Variants in REV3L observed in about 807,000 individuals in gnomAD.
The protein encoded by REV3L is DNA polymerase zeta catalytic subunit.
In REV3L, 69 loss-of-function variants were observed where a neutral mutation model predicts 299.4. That is an observed-to-expected ratio of 0.23 (90% CI 0.19 to 0.28). The LOEUF (loss-of-function observed/expected upper bound fraction) is 0.28, where lower values mean the gene tolerates loss of function less well. REV3L is among the 10% of genes least tolerant of loss of function. The probability of loss-of-function intolerance (pLI) is 1.00; values close to 1 mark genes in which losing one functional copy is unlikely to be tolerated. For missense variants in REV3L, 3,128 were observed against 3,693.8 expected (o/e 0.85, Z 3.97); for synonymous variants, 1,238 against 1,271.4 (o/e 0.97, Z 0.56).
intron 1 of REV3L, among the ~76,000 whole-genome samples, chr6:111,437,373 C>A (rs1358887064): frequency 6.6e-6 from 1 of 151,858 alleles, no homozygotes; most frequent in African/African-American, 2.4e-5. Context: ...AAATACAATA[C>A]AGCATATCCA....
rs553900965 is a variant in REV3L, at chr6:111,315,754, A to G, written c.8352-373T>C. 13 of 195,988 alleles carry G rather than the reference A, an allele frequency of 6.6e-5. No individual in the cohort carries two copies. The South Asian group carries it at 1.5e-3, about 22-fold the overall frequency. 12.1% of individuals were successfully genotyped at this position (195,988 alleles called of 1,614,324 possible). On this transcript the variant is annotated intron_variant, in intron 26 of 31. Transcript: ENST00000368802. ...TGATCAGTGGCAGATCAGTCAGATC[A>G]GTGGCAGCATTAGATTCTCATAGGA...
intron 20 of REV3L, among the ~76,000 whole-genome samples, chr6:111,344,993 AGTGT>A (rs1416892847): frequency 6.6e-6 from 1 of 152,336 alleles, no homozygotes; most frequent in African/African-American, 2.4e-5. Context: ...CACACTTCAC[AGTGT>A]GTGTATGTAC....
intron 1 of REV3L, among the ~76,000 whole-genome samples, chr6:111,461,959 C>T (rs1262790895): frequency 6.6e-6 from 1 of 151,986 alleles, no homozygotes; most frequent in Non-Finnish European, 1.5e-5. Flanking sequence ...ATAAAAGAGA[C>T]ATGTCAAAAT....
At chr6:111,308,472 A>G (rs1372312642) in intron 30 of REV3L, among the ~76,000 whole-genome samples, 2 of 152,220 alleles carry the variant, frequency 1.3e-5, no homozygotes, top group Non-Finnish European at 2.9e-5. Context: ...ATACTGTACC[A>G]AAAATGAAAA....
At chr6:111,400,880 A>G (rs1411922741) in intron 4 of REV3L, among the ~76,000 whole-genome samples, 1 of 152,154 alleles carries the variant, frequency 6.6e-6, no homozygotes, top group Non-Finnish European at 1.5e-5. Context: ...TTATTATTTA[A>G]GGTGTGAAGT....
At chr6:111,337,419 T>G (rs536867771) in intron 21 of REV3L, among the ~76,000 whole-genome samples, 2 of 152,162 alleles carry the variant, frequency 1.3e-5, no homozygotes, top group African/African-American at 4.8e-5. Context: ...GAGCGTGCTA[T>G]TGTATAATGA....
intron 26 of REV3L, 191 bp from the exon 27 acceptor site, chr6:111,315,572 AC>A (rs1562109014): frequency 1.8e-6 from 1 of 567,136 alleles, no homozygotes; most frequent in East Asian, 2.9e-5. Context: ...ATATCTTGTT[AC>A]AAATCTTTTA....
rs1457661607 is a variant in REV3L at position 111,311,201 on chromosome 6, T to C, written c.8663A>G (p.Gln2888Arg). ...CTTCATACATTGTCGCTGAACATACTGTTTAATTAGACTTATATCTCTCGT... is the reference window on the plus strand; with the variant it reads ...CTTCATACATTGTCGCTGAACATACCGTTTAATTAGACTTATATCTCTCGT... ...FETRDISLIK[Q>R]YVQRQCMKLL... The change falls in exon 29 of 32, where the codon CAG (glutamine) becomes CGG (arginine). Residue 2888 changes from glutamine (Q) to arginine (R), a missense_variant. Coordinates refer to ENST00000368802, the MANE Select transcript of REV3L (RefSeq NM_001372078.1). The C allele has an allele frequency of 6.2e-7, 1 of 1,613,686 alleles. No individual in the cohort carries two copies. The highest frequency in any genetic ancestry group is 1.7e-5 in the Admixed American group (1 of 60,014).
intron 15 of REV3L, among the ~76,000 whole-genome samples, chr6:111,364,557 T>G (rs1779016987): frequency 6.6e-6 from 1 of 151,742 alleles, no homozygotes; most frequent in Admixed American, 6.6e-5. Flanking sequence ...TATAGTATTT[T>G]TTAATATATA....
chr6:111,473,749 C>T (rs569491436), intron 1 of REV3L, among the ~76,000 whole-genome samples: 1 of 152,116 alleles, frequency 6.6e-6, no homozygotes, highest in East Asian at 1.9e-4. Context: ...ATCATCAATG[C>T]CTTCCTCCAA....
rs867687864 is a variant in REV3L, at chr6:111,373,311, C to G, written c.5044G>C (p.Val1682Leu). The G allele has an allele frequency of 3.1e-6, 5 of 1,614,052 alleles. No individual in the cohort carries two copies. Among genetic ancestry groups the G allele is most frequent in the Non-Finnish European group, 4.2e-6 (5 of 1,179,990 alleles). Residue 1682 changes from valine to leucine, a missense_variant, in exon 13 of 32, where the codon GTT becomes CTT. Coordinates refer to ENST00000368802, the MANE Select transcript of REV3L (RefSeq NM_001372078.1). ...GCTTGTCCTGGAAAAAGATCCTGAA[C>G]AGCATCACTTAGGAACTTCTGAGGC... ...NLPQKFLSDA[V>L]QDLFPGQAIE... is the part of the protein sequence containing the mutation.
At chr6:111,348,688 C>T (rs903044598) in intron 20 of REV3L, among the ~76,000 whole-genome samples, 54 of 152,236 alleles carry the variant, frequency 3.5e-4, no homozygotes, top group Admixed American at 3.0e-3. Flanking sequence ...CTCACTCTGT[C>T]ACCCAGGCTT....
intron 3 of REV3L, among the ~76,000 whole-genome samples, chr6:111,410,075 C>T (rs1413055484): frequency 5.3e-5 from 8 of 152,146 alleles, no homozygotes; most frequent in African/African-American, 1.9e-4. Context: ...TATGGTGGCT[C>T]AGGCCTGTAA....
At chr6:111,347,987 A>G (rs1215733787) in intron 20 of REV3L, among the ~76,000 whole-genome samples, 1 of 152,192 alleles carries the variant, frequency 6.6e-6, no homozygotes, top group African/African-American at 2.4e-5. Context: ...TTTTTGGTAG[A>G]GACGGGGTTT....
chr6:111,366,623 GGGAATCTTTACAA>G (rs1484199361), intron 14 of REV3L, among the ~76,000 whole-genome samples: 3 of 132,618 alleles, frequency 2.3e-5, no homozygotes, highest in African/African-American at 7.3e-5. Context: ...TAAGTTTACT[GGGAATCTTTACAA>G]GAGCTATAAT....
At chr6:111,305,688 G>T (rs1772207806) in intron 31 of REV3L, among the ~76,000 whole-genome samples, 1 of 152,190 alleles carries the variant, frequency 6.6e-6, no homozygotes, top group Non-Finnish European at 1.5e-5. Flanking sequence ...GCACCAAGTA[G>T]TGATGTGTTT....
Position 111,387,902 on chromosome 6 carries a change from C to T in REV3L, c.959G>A (p.Gly320Glu). 1 of 1,613,856 alleles carries T rather than the reference C, an allele frequency of 6.2e-7. No individual in the cohort carries two copies. The highest frequency in any genetic ancestry group is 8.5e-7 in the Non-Finnish European group (1 of 1,179,864). ...KQNDFSVTLS[G>E]SVDYSDGSQE... ...GGATCCATCGCTGTAGTCCACAGAT[C>T]CTGATAATGTTCTGCTTAATTAAAA... is the stretch of plus-strand genomic sequence containing the variant. The change falls in exon 9 of 32, where the codon GGA becomes GAA. Residue 320 changes from glycine (G) to glutamate (E), a missense_variant. Coordinates refer to ENST00000368802, the MANE Select transcript of REV3L (RefSeq NM_001372078.1).
At position 111,375,406 on chromosome 6, in the gene REV3L, T is replaced by C; in HGVS notation, c.2949A>G (p.Arg983=). ...CAAGCATATTTTTTCTCCCTCTAAATCTATTAATAATAATATACTTTATGA... is the reference window on the plus strand; with the variant it reads ...CAAGCATATTTTTTCTCCCTCTAAACCTATTAATAATAATATACTTTATGA... ...PVIIKYIIIN[R]FRGRKNMLVK... Residue 983 remains arginine (R), a synonymous_variant, in exon 13 of 32, where the codon AGA becomes AGG. Coordinates refer to ENST00000368802, the MANE Select transcript of REV3L (RefSeq NM_001372078.1). 1 of 1,597,310 alleles carries C rather than the reference T, an allele frequency of 6.3e-7. No homozygotes were observed. The highest frequency in any genetic ancestry group is 8.5e-7 in the Non-Finnish European group (1 of 1,174,888).
intron 10 of REV3L, 58 bp from the exon 11 acceptor site, chr6:111,380,277 G>A (rs746837663): frequency 2.3e-5 from 29 of 1,241,966 alleles, no homozygotes; most frequent in Non-Finnish European, 3.2e-5. Context: ...TTTTTGACAC[G>A]GAGTCTTGCT....
Sources: allele counts gnomAD v4.1 joint callset (sites outside exome capture counted in the v4.1 genomes callset), GRCh38; gene constraint gnomAD v4.1.1; transcripts MANE v1.5; gene names NCBI Gene and HGNC (gene_info 2026-07-23, HGNC 2026-07-21).